ADNP2: variants seen among roughly 807,000 people sequenced by gnomAD.
ADNP2 encodes the protein activity-dependent neuroprotector homeobox protein 2.
Under a neutral mutation model 16.4 loss-of-function variants are expected in ADNP2, and 8 were observed. The ratio of observed to expected loss-of-function variants is 0.49; its 90% confidence interval spans 0.29 to 0.88. ADNP2 has a LOEUF of 0.88. Among genes scored for constraint, ADNP2 ranks in the 40% least tolerant of loss-of-function variants. ADNP2 has a pLI of 0.09. For missense variants in ADNP2, 1,397 were observed against 1,395.1 expected, an observed-to-expected ratio of 1.00 and a Z score of -0.02; for synonymous variants, 637 against 545.8, an observed-to-expected ratio of 1.17 and a Z score of -2.33.
chr18:80,130,766 A>G (rs1465586418), intron 2 of ADNP2, among the ~76,000 whole-genome samples: 2 of 123,892 alleles, frequency 1.6e-5, no homozygotes, highest in Non-Finnish European at 3.2e-5. Context: ...CAGGTCAGGC[A>G]GACACAGTTG....
At chr18:80,128,288 A>G (rs68010032) in intron 2 of ADNP2, among the ~76,000 whole-genome samples, 24,351 of 152,248 alleles carry the variant, frequency 0.16, 2,442 homozygotes, top group Middle Eastern at 0.25. Flanking sequence ...ATCAGAATAA[A>G]GGACCTGTGT....
At position 80,137,440 on chromosome 18, in the gene ADNP2, C is replaced by A; in HGVS notation, c.2027C>A (p.Ala676Asp). The stretch of plus-strand genomic sequence containing the variant: ...GCTGCTCAGAGCGTGTTTGTTCAGG[C>A]CTCCTCCTCTGCAGCAGACACAAAC... ...VNAAQSVFVQ[A>D]SSSAADTNQV... The change falls in exon 4 of 4, where the codon GCC (alanine) becomes GAC (aspartate). Residue 676 changes from alanine to aspartate, a missense_variant. Coordinates refer to ENST00000262198, the MANE Select transcript of ADNP2 (RefSeq NM_014913.4). This position sits in a 1 kb window ranked among gnomAD's most constrained non-coding sequence, Gnocchi z 4.2. 6.2e-7 allele frequency: 1 copy of A among 1,614,152 alleles called. No homozygotes were observed. Among genetic ancestry groups the A allele is most frequent in the Middle Eastern group, 1.7e-4 (1 of 6,056 alleles).
At position 80,136,598 on chromosome 18, in the gene ADNP2, T is replaced by C. The variant is rs761670060; in HGVS notation, c.1185T>C (p.Thr395=). 74 of 1,614,122 alleles carry C rather than the reference T, an allele frequency of 4.6e-5. No homozygotes were observed. The highest frequency in any genetic ancestry group is 5.9e-5 in the Non-Finnish European group (70 of 1,180,046). Residue 395 remains threonine, a synonymous_variant, in exon 4 of 4, where the codon ACT becomes ACC. Transcript: ENST00000262198. ...CTAGTGTCCTCCCCATAAATCAGACTGTTCGCCCTGGGGTTTTACCCCTCA... is the reference window on the plus strand; with the variant it reads ...CTAGTGTCCTCCCCATAAATCAGACCGTTCGCCCTGGGGTTTTACCCCTCA... ...VGTSVLPINQ[T]VRPGVLPLTQ...
At chr18:80,130,173 CTGGTGCTTT>C (rs1032975572) in intron 2 of ADNP2, among the ~76,000 whole-genome samples, 1 of 152,162 alleles carries the variant, frequency 6.6e-6, no homozygotes, top group African/African-American at 2.4e-5. Flanking sequence ...CCAGGTGCTC[CTGGTGCTTT>C]TGTCATGACC....
Position 80,137,129 on chromosome 18 carries a change from C to T in ADNP2, c.1716C>T (p.Gly572=). The T allele has an allele frequency of 1.2e-6, 2 of 1,614,198 alleles. No individual in the cohort carries two copies. The highest frequency in any genetic ancestry group is 1.7e-6 in the Non-Finnish European group (2 of 1,180,034). The change falls in exon 4 of 4, where the codon GGC becomes GGT. Residue 572 remains glycine (G), a synonymous_variant. Transcript: ENST00000262198. This position sits in a 1 kb window ranked among gnomAD's most constrained non-coding sequence, Gnocchi z 4.2. ...TCTTGCAACTCAACCAGACTGTGGG[C>T]ACCAACATTCTGCCTGTGAATCAGC... ...PGVLQLNQTV[G]TNILPVNQPV... is the part of the protein sequence containing the mutation.
rs774892569 is a variant in ADNP2, at chr18:80,135,596, TC to T, written c.199-15del. Reference sequence around the variant, plus strand: ...GTTTATTCAATTATGCTTAAGGCTTTCTTTTCTTTTAACAGAGATATCGAAC... The same window carrying T: ...GTTTATTCAATTATGCTTAAGGCTTTTTTTCTTTTAACAGAGATATCGAAC... On this transcript the variant is annotated splice_polypyrimidine_tract_variant and intron_variant, in intron 3 of 3. Coordinates refer to ENST00000262198, the MANE Select transcript of ADNP2 (RefSeq NM_014913.4). 2 of 1,598,228 alleles carry T rather than the reference TC, an allele frequency of 1.3e-6. No homozygotes were observed. The highest frequency in any genetic ancestry group is 1.7e-6 in the Non-Finnish European group (2 of 1,171,128).
chr18:80,129,649 A>G (rs1568412550), intron 2 of ADNP2, among the ~76,000 whole-genome samples: 1 of 152,118 alleles, frequency 6.6e-6, no homozygotes, highest in Non-Finnish European at 1.5e-5. Context: ...TTCAAGTTAA[A>G]CATTTTGGGC....
intron 2 of ADNP2, among the ~76,000 whole-genome samples, chr18:80,127,943 C>T (rs958428159): frequency 1.3e-5 from 2 of 152,234 alleles, no homozygotes; most frequent in Admixed American, 6.5e-5. Context: ...CACATGAGAG[C>T]CTCAGTGCTC....
At position 80,117,615 on chromosome 18, in the gene ADNP2, G is replaced by T. The variant is rs1033560523; in HGVS notation, c.73G>T (p.Asp25Tyr). Residue 25 changes from aspartate (D) to tyrosine (Y), a missense_variant, in exon 2 of 4, where the codon GAT becomes TAT. Physicochemically the swap from Asp to Tyr is radical, Grantham distance 160 (BLOSUM62 -3). Transcript: ENST00000262198. ...VRKKVKGILV[D>Y]IGLDSCKELL... ...AAAAAAGGTGAAAGGTATTCTTGTG[G>T]ATATTGGGCTTGACAGCTGCAAGGA... 6 of 1,608,754 alleles carry T rather than the reference G, an allele frequency of 3.7e-6. No individual in the cohort carries two copies. The highest frequency in any genetic ancestry group is 5.1e-6 in the Non-Finnish European group (6 of 1,178,468).
chr18:80,121,670 C>A (rs117296246), intron 2 of ADNP2, among the ~76,000 whole-genome samples: 2,737 of 152,240 alleles, frequency 0.018, 51 homozygotes, highest in Non-Finnish European at 0.026. Context: ...TTGTAGTTCT[C>A]ATGTTAAGTC....
chr18:80,125,414 TG>T lies in ADNP2; in HGVS notation c.109-7686del, dbSNP rs936321541. Among the ~76,000 whole-genome samples, 12 of 152,008 alleles carry T rather than the reference TG, an allele frequency of 7.9e-5. 1 individual carries two copies. The highest frequency in any genetic ancestry group is 2.9e-4 in the African/African-American group (12 of 41,376). On this transcript the variant is annotated intron_variant, in intron 2 of 3. Transcript: ENST00000262198. The stretch of plus-strand genomic sequence containing the variant: ...ATCCCAGCACTTTGGGAGGCCGAGG[TG>T]GGCGGATCACGAGGTCAGGAGATCG...
intron 2 of ADNP2, among the ~76,000 whole-genome samples, chr18:80,126,476 A>G (rs971838836): frequency 3.9e-5 from 6 of 152,224 alleles, no homozygotes; most frequent in Non-Finnish European, 5.9e-5. Flanking sequence ...TTAACTCACT[A>G]TACTTTCTCT....
In ADNP2 at chr18:80,136,364, A is replaced by G; in HGVS notation, c.951A>G (p.Gly317=). The G allele has an allele frequency of 6.2e-7, 1 of 1,614,204 alleles. No homozygotes were observed. The highest frequency in any genetic ancestry group is 8.5e-7 in the Non-Finnish European group (1 of 1,180,032). ...QPVTVAQGAP[G]SLTHSPPAAG... The stretch of plus-strand genomic sequence containing the variant: ...TGACTGTGGCCCAGGGTGCCCCTGG[A>G]AGCCTCACTCATTCCCCCCCTGCTG... The change falls in exon 4 of 4, where the codon GGA becomes GGG. Residue 317 remains glycine, a synonymous_variant. Coordinates refer to ENST00000262198, the MANE Select transcript of ADNP2 (RefSeq NM_014913.4).
chr18:80,117,451 T>A lies in ADNP2; in HGVS notation c.-13-79T>A, dbSNP rs532180807. ...AAAATTATACTCTATTCCTAGTGTT[T>A]TACCAACCCTGTCAAAAAATGTATT... On this transcript the variant is annotated intron_variant, in intron 1 of 3. Transcript: ENST00000262198. 25 of 835,098 alleles carry A rather than the reference T, an allele frequency of 3.0e-5. No individual in the cohort carries two copies. The South Asian group carries it at 5.0e-4, about 17-fold the overall frequency. The allele number at this position is 835,098 out of a possible 1,614,324, so 51.7% of individuals were successfully genotyped here.
chr18:80,133,836 T>TG (rs2052514101), intron 3 of ADNP2: 1 of 147,664 alleles, frequency 6.8e-6, no homozygotes, highest in Non-Finnish European at 1.5e-5. Flanking sequence ...TTGTCAGAAT[T>TG]TTTTTTTTTT....
rs189567089 is a variant in ADNP2 at position 80,119,665 on chromosome 18, G to A, written c.108+2015G>A. Among the ~76,000 whole-genome samples the A allele has an allele frequency of 1.8e-4, 27 of 152,270 alleles. No individual in the cohort carries two copies. The East Asian group carries it at 4.6e-3, about 26-fold the overall frequency. On this transcript the variant is annotated intron_variant, in intron 2 of 3. Coordinates refer to ENST00000262198, the MANE Select transcript of ADNP2 (RefSeq NM_014913.4). ...GCTGAGAAAAGTAAGCCCTAGGAAA[G>A]GTAGACTCTTCCACGAATCTAATAT...
intron 1 of ADNP2, among the ~76,000 whole-genome samples, chr18:80,113,067 C>T (rs2052367707): frequency 6.6e-6 from 1 of 152,030 alleles, no homozygotes; most frequent in Non-Finnish European, 1.5e-5. Flanking sequence ...CTGGACTGGG[C>T]CAGAAAGTGA....
intron 1 of ADNP2, among the ~76,000 whole-genome samples, chr18:80,111,165 A>G (rs1372122973): frequency 1.3e-5 from 2 of 152,182 alleles, no homozygotes; most frequent in Non-Finnish European, 2.9e-5. Flanking sequence ...TTGAACCCAG[A>G]TCTGCTGAAT....
At chr18:80,119,235 T>G (rs559656790) in intron 2 of ADNP2, among the ~76,000 whole-genome samples, 8 of 151,772 alleles carry the variant, frequency 5.3e-5, no homozygotes, top group South Asian at 4.2e-4. Flanking sequence ...GCAATTAGAG[T>G]TCTTTGTTTT....
Sources: allele counts gnomAD v4.1 joint callset (sites outside exome capture counted in the v4.1 genomes callset), GRCh38; gene constraint gnomAD v4.1.1; non-coding constraint Gnocchi (gnomAD v3.1); transcripts MANE v1.5; gene names NCBI Gene and HGNC (gene_info 2026-07-23, HGNC 2026-07-21).